GPC6: variants seen among roughly 807,000 people sequenced by gnomAD.
The protein encoded by GPC6 is glypican-6.
In GPC6, 14 loss-of-function variants were observed where a neutral mutation model predicts 55.2. The ratio of observed to expected loss-of-function variants is 0.25; its 90% CI spans 0.17 to 0.40. The LOEUF (loss-of-function observed/expected upper bound fraction) is 0.40. GPC6 is among the 10% of genes least tolerant of loss of function. The pLI is 1.00. For synonymous variants in GPC6, 278 were observed against 259.6 expected (o/e 1.07, Z -0.68); for missense variants, 641 against 708.5 (o/e 0.90, Z 1.08).
chr13:93,643,475 T>C (rs1880046485), intron 2 of GPC6, among the ~76,000 whole-genome samples: 1 of 152,122 alleles, frequency 6.6e-6, no homozygotes, highest in Non-Finnish European at 1.5e-5. Context: ...GCTAAATGCT[T>C]ATATAATAGG....
At chr13:93,781,140 G>C (rs1885633364) in intron 2 of GPC6, among the ~76,000 whole-genome samples, 1 of 151,998 alleles carries the variant, frequency 6.6e-6, no homozygotes, top group Non-Finnish European at 1.5e-5. Flanking sequence ...GCTGGGCATT[G>C]TAGCAAGTGC....
At chr13:93,596,292 G>A (rs966767126) in intron 2 of GPC6, among the ~76,000 whole-genome samples, 2 of 152,018 alleles carry the variant, frequency 1.3e-5, no homozygotes, top group Non-Finnish European at 2.9e-5. Context: ...TGGGCCAGAG[G>A]CACATAATAT....
chr13:93,604,233 T>A (rs368205410), intron 2 of GPC6, among the ~76,000 whole-genome samples: 11 of 152,194 alleles, frequency 7.2e-5, no homozygotes, highest in African/African-American at 2.7e-4. Context: ...GCAATATGAA[T>A]GGCCATGGCA....
chr13:94,230,775 AT>A, intron 4 of GPC6, among the ~76,000 whole-genome samples: 1 of 152,282 alleles, frequency 6.6e-6, no homozygotes, highest in East Asian at 1.9e-4. Flanking sequence ...AATAAATATT[AT>A]TTTTTGAACT....
chr13:94,185,713 G>A lies in GPC6; in HGVS notation c.878-100636G>A, dbSNP rs188019461. On this transcript the variant is annotated intron_variant, in intron 4 of 8. Coordinates refer to ENST00000377047, the MANE Select transcript of GPC6 (RefSeq NM_005708.5). ...CTCTTGTGTTTGGAAACATAACTTG[G>A]TCATCTTGGCATCCCCAGCGTGGAG... 3.9e-4 allele frequency among the ~76,000 whole-genome samples: 60 copies of A among 152,160 alleles called. 2 individuals carry two copies. The highest frequency in any genetic ancestry group is 8.8e-5 in the Non-Finnish European group (6 of 68,000).
At chr13:93,624,094 T>C (rs1017080126) in intron 2 of GPC6, among the ~76,000 whole-genome samples, 4 of 150,900 alleles carry the variant, frequency 2.7e-5, no homozygotes, top group African/African-American at 9.7e-5. Flanking sequence ...TTGTTAGTAC[T>C]GGAGTAAAAC....
intron 2 of GPC6, among the ~76,000 whole-genome samples, chr13:93,690,232 T>A (rs1320103837): frequency 6.6e-6 from 1 of 152,096 alleles, no homozygotes; most frequent in African/African-American, 2.4e-5. Context: ...TGTTGATATA[T>A]AATTGACCTG....
At chr13:93,228,248 G>A (rs1390366015) in intron 1 of GPC6, among the ~76,000 whole-genome samples, 1 of 152,174 alleles carries the variant, frequency 6.6e-6, no homozygotes, top group Non-Finnish European at 1.5e-5. Flanking sequence ...GGACTTCACG[G>A]GCTGCCTGTT....
Position 93,797,870 on chromosome 13 carries a change from A to T in GPC6, c.320-32284A>T, listed in dbSNP as rs542131482. Among the ~76,000 whole-genome samples, 6 of 152,174 alleles carry T rather than the reference A, an allele frequency of 3.9e-5. No homozygotes were observed. The South Asian group carries it at 1.2e-3, about 31-fold the overall frequency. On this transcript the variant is annotated intron_variant, in intron 2 of 8. Transcript: ENST00000377047. ...AACATGTGAAATGTTCTGGGTCTCT[A>T]TTTCCAGTGGGTTTTAACAAAGGTT...
intron 3 of GPC6, among the ~76,000 whole-genome samples, chr13:93,963,928 A>G (rs1879902842): frequency 6.6e-6 from 1 of 152,188 alleles, no homozygotes; most frequent in East Asian, 1.9e-4. Context: ...GAGACTTTGT[A>G]TCAATGTCAG....
intron 2 of GPC6, among the ~76,000 whole-genome samples, chr13:93,690,303 G>T (rs1240342758): frequency 6.6e-6 from 1 of 151,968 alleles, no homozygotes; most frequent in African/African-American, 2.4e-5. Context: ...GGGTGGTAGT[G>T]CAAGTCAGGA....
chr13:94,160,099 C>G (rs1313710551), intron 4 of GPC6, among the ~76,000 whole-genome samples: 1 of 152,072 alleles, frequency 6.6e-6, no homozygotes, highest in Non-Finnish European at 1.5e-5. Flanking sequence ...ATATTCCATA[C>G]GATAAGATAT....
intron 1 of GPC6, among the ~76,000 whole-genome samples, chr13:93,322,594 GC>G (rs1210593981): frequency 5.9e-5 from 9 of 151,372 alleles, no homozygotes; most frequent in Admixed American, 1.3e-4. Flanking sequence ...CCGCCACCAT[GC>G]CCAGCTAATT....
chr13:94,238,731 TTG>T (rs1468481404), intron 4 of GPC6, among the ~76,000 whole-genome samples: 1 of 152,074 alleles, frequency 6.6e-6, no homozygotes, highest in Admixed American at 6.6e-5. Context: ...CTCCCACAGT[TTG>T]GGGCTGACAC....
At chr13:94,394,776 G>C (rs540216035) in intron 7 of GPC6, among the ~76,000 whole-genome samples, 1 of 152,150 alleles carries the variant, frequency 6.6e-6, no homozygotes, top group African/African-American at 2.4e-5. Context: ...AGGAGAAAAG[G>C]CTCTTGAGGA....
intron 2 of GPC6, among the ~76,000 whole-genome samples, chr13:93,662,925 G>A (rs891888168): frequency 6.6e-5 from 10 of 151,966 alleles, no homozygotes; most frequent in African/African-American, 1.9e-4. Flanking sequence ...CAGAATTCTG[G>A]TGAAGTCAGG....
chr13:93,270,761 G>A (rs989315062), intron 1 of GPC6, among the ~76,000 whole-genome samples: 3 of 148,542 alleles, frequency 2.0e-5, no homozygotes, highest in African/African-American at 7.4e-5. Flanking sequence ...AGTCCCCCCA[G>A]TGTGATATGT....
intron 1 of GPC6, among the ~76,000 whole-genome samples, chr13:93,432,086 A>G (rs17267745): frequency 0.21 from 31,739 of 152,162 alleles, 3,509 homozygotes; most frequent in Middle Eastern, 0.28. Flanking sequence ...GGTGGGATAC[A>G]TAATCTAACT....
At chr13:93,250,675 G>T (rs1431232091) in intron 1 of GPC6, among the ~76,000 whole-genome samples, 1 of 152,108 alleles carries the variant, frequency 6.6e-6, no homozygotes, top group Non-Finnish European at 1.5e-5. Flanking sequence ...CTCCCTCTGA[G>T]TACTCTGTGC....
Sources: allele counts gnomAD v4.1 joint callset (sites outside exome capture counted in the v4.1 genomes callset), GRCh38; gene constraint gnomAD v4.1.1; transcripts MANE v1.5; gene names NCBI Gene and HGNC (gene_info 2026-07-23, HGNC 2026-07-21).